The following CSMD1 variants were observed in gnomAD, a reference collection of about 807,000 sequenced individuals.
CSMD1 encodes the protein CUB and Sushi multiple domains 1.
In CSMD1, 213 loss-of-function variants were observed where a neutral mutation model predicts 417.5. That is an observed-to-expected ratio of 0.51 (90% CI 0.46 to 0.57). CSMD1 has a LOEUF of 0.57. Among genes scored for constraint, CSMD1 ranks in the 20% least tolerant of loss-of-function variants. CSMD1 has a pLI of 0.00. For missense variants in CSMD1, 6,923 were observed against 4,529.7 expected (o/e 1.53, Z -15.17); for synonymous variants, 2,862 against 1,736.8 (o/e 1.65, Z -16.11).
intron 11 of CSMD1, among the ~76,000 whole-genome samples, chr8:3,470,630 C>T (rs770590520): frequency 2.0e-5 from 3 of 152,158 alleles, no homozygotes; most frequent in African/African-American, 7.2e-5. Context: ...TCCATTCCTT[C>T]CAAATTCTCT....
At chr8:3,689,646 G>C (rs919167771) in intron 7 of CSMD1, among the ~76,000 whole-genome samples, 1 of 152,134 alleles carries the variant, frequency 6.6e-6, no homozygotes, top group Non-Finnish European at 1.5e-5. Context: ...GGCAGGCCTG[G>C]TTCTGAAGGC....
intron 5 of CSMD1, among the ~76,000 whole-genome samples, chr8:3,865,919 T>A (rs943027199): frequency 6.6e-6 from 1 of 152,170 alleles, no homozygotes; most frequent in East Asian, 1.9e-4. Context: ...ACCACATTAA[T>A]TAACTCCTCA....
chr8:4,153,071 G>A (rs1410197215), intron 3 of CSMD1, among the ~76,000 whole-genome samples: 1 of 152,116 alleles, frequency 6.6e-6, no homozygotes, highest in Non-Finnish European at 1.5e-5. Flanking sequence ...TTTGAAGGGG[G>A]TATGATTCTT....
chr8:3,041,028 C>T (rs931315139), intron 50 of CSMD1, among the ~76,000 whole-genome samples: 3 of 151,950 alleles, frequency 2.0e-5, no homozygotes, highest in African/African-American at 4.8e-5. Context: ...TTCTTCATAT[C>T]GGTAAATAAA....
chr8:4,640,048 G>T (rs1803098801), intron 1 of CSMD1, among the ~76,000 whole-genome samples: 1 of 152,136 alleles, frequency 6.6e-6, no homozygotes, highest in Non-Finnish European at 1.5e-5. Context: ...AGAAAAATCA[G>T]TTCAACAGAA....
At chr8:4,537,791 A>C (rs1585220710) in intron 2 of CSMD1, among the ~76,000 whole-genome samples, 1 of 152,066 alleles carries the variant, frequency 6.6e-6, no homozygotes, top group African/African-American at 2.4e-5. Flanking sequence ...GCCGTTGCTG[A>C]CTCTCAGGGC....
chr8:4,738,775 G>C (rs969985668), intron 1 of CSMD1, among the ~76,000 whole-genome samples: 2 of 152,204 alleles, frequency 1.3e-5, no homozygotes, highest in East Asian at 1.9e-4. Flanking sequence ...GATTAAGCTT[G>C]ATACAATAAA....
At chr8:4,026,317 T>C (rs1037836211) in intron 4 of CSMD1, among the ~76,000 whole-genome samples, 1 of 152,188 alleles carries the variant, frequency 6.6e-6, no homozygotes, top group Non-Finnish European at 1.5e-5. Flanking sequence ...AAGCAAAATT[T>C]AAATGTAAAT....
intron 6 of CSMD1, among the ~76,000 whole-genome samples, chr8:3,711,804 G>A (rs565284764): frequency 6.6e-6 from 1 of 152,264 alleles, no homozygotes; most frequent in South Asian, 2.1e-4. Flanking sequence ...GGAGAGAGGA[G>A]ATGAATGCAC....
intron 1 of CSMD1, among the ~76,000 whole-genome samples, chr8:4,850,335 G>A (rs1318452988): frequency 2.1e-5 from 3 of 145,892 alleles, no homozygotes; most frequent in Non-Finnish European, 4.5e-5. Context: ...TGTCTTAATG[G>A]TCTCTTTGAA....
intron 3 of CSMD1, among the ~76,000 whole-genome samples, chr8:4,416,347 T>C (rs760913861): frequency 1.3e-5 from 2 of 152,128 alleles, no homozygotes; most frequent in African/African-American, 2.4e-5. Context: ...ACCTAAATTA[T>C]TGCATATAAT....
intron 1 of CSMD1, among the ~76,000 whole-genome samples, chr8:4,727,329 T>C (rs997827617): frequency 6.6e-6 from 1 of 152,170 alleles, no homozygotes; most frequent in African/African-American, 2.4e-5. Flanking sequence ...GAGAAACCCA[T>C]GAACAAAGAC....
intron 10 of CSMD1, among the ~76,000 whole-genome samples, chr8:3,507,508 G>C (rs1184892921): frequency 2.6e-5 from 4 of 152,094 alleles, no homozygotes; most frequent in Admixed American, 6.6e-5. Context: ...ATAATCCTTT[G>C]GGTATATACC....
At chr8:4,137,089 G>C (rs1803486596) in intron 3 of CSMD1, among the ~76,000 whole-genome samples, 2 of 152,142 alleles carry the variant, frequency 1.3e-5, no homozygotes, top group African/African-American at 2.4e-5. Context: ...TTAGTTGTCT[G>C]CTTATTTTGG....
intron 3 of CSMD1, among the ~76,000 whole-genome samples, chr8:4,053,398 C>T (rs941599885): frequency 2.0e-5 from 3 of 151,244 alleles, no homozygotes; most frequent in African/African-American, 7.3e-5. Context: ...ACTGCCTCTA[C>T]CTTGGTGTGA....
chr8:4,090,577 G>T (rs1419975207), intron 3 of CSMD1, among the ~76,000 whole-genome samples: 2 of 152,126 alleles, frequency 1.3e-5, no homozygotes, highest in African/African-American at 4.8e-5. Context: ...AAATATTTAG[G>T]TGTGCTCACC....
At chr8:4,401,784 C>T (rs1225386340) in intron 3 of CSMD1, among the ~76,000 whole-genome samples, 2 of 152,180 alleles carry the variant, frequency 1.3e-5, no homozygotes, top group Non-Finnish European at 2.9e-5. Flanking sequence ...CAGCCCTGTC[C>T]AGCAGTGCTT....
intron 7 of CSMD1, among the ~76,000 whole-genome samples, chr8:3,673,178 G>T (rs10088000): frequency 1.3e-5 from 2 of 152,010 alleles, no homozygotes; most frequent in Admixed American, 6.6e-5. Flanking sequence ...ATGGGACACA[G>T]AATCTGAAAT....
At chr8:3,815,116 A>C (rs542335311) in intron 5 of CSMD1, among the ~76,000 whole-genome samples, 3 of 152,334 alleles carry the variant, frequency 2.0e-5, no homozygotes, top group Middle Eastern at 6.8e-3. Flanking sequence ...AAATAATTAG[A>C]CATGGGATAT....
Sources: gnomAD v4.1 joint callset for allele counts (sites outside exome capture counted in the v4.1 genomes callset) on GRCh38, gnomAD v4.1.1 for gene constraint, MANE v1.5 for transcripts, NCBI Gene and HGNC (gene_info 2026-07-23, HGNC 2026-07-21) for gene names.